The following NOS1 variants were observed in gnomAD, a reference collection of about 807,000 sequenced individuals.
The protein encoded by NOS1 is nitric oxide synthase 1.
In NOS1, 51 loss-of-function variants were observed where a neutral mutation model predicts 164.5. That is an observed-to-expected ratio of 0.31 (90% CI 0.25 to 0.39). NOS1 has a LOEUF of 0.39. NOS1 is among the 10% of genes least tolerant of loss of function. The pLI is 1.00. For synonymous variants in NOS1, 719 were observed against 745.8 expected, an observed-to-expected ratio of 0.96 and a Z score of 0.59; for missense variants, 1,362 against 1,885.6, an observed-to-expected ratio of 0.72 and a Z score of 5.14.
Position 117,288,182 on chromosome 12 carries a change from A to G in NOS1, c.1019T>C (p.Ile340Thr), listed in dbSNP as rs1446279194. The change falls in exon 5 of 29, where the codon ATC becomes ACC. Residue 340 changes from isoleucine to threonine, a missense_variant. Physicochemically the swap from Ile to Thr is moderately conservative, Grantham distance 89. This residue lies in a region of NOS1 where 129 missense variants were observed against 186.0 expected (regional missense o/e 0.69). Coordinates refer to ENST00000317775, the MANE Select transcript of NOS1 (RefSeq NM_000620.5). Reference sequence around the variant, plus strand: ...CCTTGCATGCTGAGAAGGATGCATGATGGAGCCCATGCAGATGTACTCAGT... The same window carrying G: ...CCTTGCATGCTGAGAAGGATGCATGGTGGAGCCCATGCAGATGTACTCAGT... ...GCTEYICMGS[I>T]MHPSQHARRP... is the part of the protein sequence containing the mutation. 6.2e-7 allele frequency: 1 copy of G among 1,613,718 alleles called. No individual in the cohort carries two copies. The highest frequency in any genetic ancestry group is 2.2e-5 in the East Asian group (1 of 44,894).
chr12:117,314,987 C>T (rs1874607168), intron 2 of NOS1, among the ~76,000 whole-genome samples: 1 of 152,206 alleles, frequency 6.6e-6, no homozygotes, highest in Non-Finnish European at 1.5e-5. Context: ...CTGCTAAGTG[C>T]AGCCAATTTA....
chr12:117,332,006 C>T (rs1207505629), intron 1 of NOS1, among the ~76,000 whole-genome samples: 2 of 152,154 alleles, frequency 1.3e-5, no homozygotes, highest in Non-Finnish European at 2.9e-5. Flanking sequence ...GTCAGTTGGC[C>T]TTCATAACCA....
At chr12:117,326,679 A>C (rs1875268527) in intron 2 of NOS1, among the ~76,000 whole-genome samples, 1 of 152,166 alleles carries the variant, frequency 6.6e-6, no homozygotes. Flanking sequence ...GGAAGCTGAG[A>C]GCTTGGATGC....
chr12:117,223,265 CTT>C (rs112723960), intron 25 of NOS1, among the ~76,000 whole-genome samples: 13 of 143,404 alleles, frequency 9.1e-5, no homozygotes, highest in Admixed American at 1.4e-4. Flanking sequence ...ACTTACTCAA[CTT>C]TTTTTTTTTT....
intron 1 of NOS1, among the ~76,000 whole-genome samples, chr12:117,337,920 A>C (rs1221861187): frequency 6.6e-6 from 1 of 152,044 alleles, no homozygotes; most frequent in Non-Finnish European, 1.5e-5. Context: ...TTCTACAAAA[A>C]ACACAAAAAT....
chr12:117,331,415 G>C lies in NOS1; in HGVS notation c.-346C>G. ...ATGGCTGTGTCTAGAAGTGACGCAT[G>C]ATAGATGTGAACTATTCTCTGGGTA... On this transcript the variant is annotated 5_prime_UTR_variant, in exon 2 of 29. The change creates a new upstream start codon in the 5' untranslated region. Transcript: ENST00000317775. 3.6e-6 allele frequency: 1 copy of C among 277,306 alleles called. No homozygotes were observed. The highest frequency in any genetic ancestry group is 6.9e-6 in the Non-Finnish European group (1 of 144,980). 17.2% of individuals were successfully genotyped at this position (277,306 alleles called of 1,614,324 possible).
At position 117,209,355 on chromosome 12, in the gene NOS1, C is replaced by T. The variant is rs1179326268; in HGVS notation, c.*5954G>A. On this transcript the variant is annotated 3_prime_UTR_variant, in exon 29 of 29. Coordinates refer to ENST00000317775, the MANE Select transcript of NOS1 (RefSeq NM_000620.5). ...TTCCTACAGTACCCAAGACGGCCCCCACAAGAAAGAATTACCCAGCCCCAA... is the reference window on the plus strand; with the variant it reads ...TTCCTACAGTACCCAAGACGGCCCCTACAAGAAAGAATTACCCAGCCCCAA... The T allele has an allele frequency of 2.0e-6, 2 of 979,748 alleles. No homozygotes were observed. The highest frequency in any genetic ancestry group is 3.5e-5 in the African/African-American group (2 of 57,126). 60.7% of individuals were successfully genotyped at this position (979,748 alleles called of 1,614,324 possible). A position where few individuals can be genotyped will look rare whatever the true frequency, so the allele number is the denominator to read the frequency against.
At position 117,210,541 on chromosome 12, in the gene NOS1, A is replaced by G. The variant is rs1463887300; in HGVS notation, c.*4768T>C. ...TTTAAAACACAGGCTAGAAGTCCAC[A>G]GATTTCCTAATGGCAAGAATGAAAA... On this transcript the variant is annotated 3_prime_UTR_variant, in exon 29 of 29. Transcript: ENST00000317775. The G allele has an allele frequency of 1.0e-5, 10 of 985,358 alleles. No homozygotes were observed. Among genetic ancestry groups the G allele is most frequent in the Non-Finnish European group, 1.2e-5 (10 of 829,982 alleles). The allele number at this position is 985,358 out of a possible 1,614,324, so 61.0% of individuals were successfully genotyped here.
intron 28 of NOS1, among the ~76,000 whole-genome samples, chr12:117,216,586 C>T (rs1321988591): frequency 1.3e-5 from 2 of 152,066 alleles, no homozygotes; most frequent in African/African-American, 2.4e-5. Flanking sequence ...TCAGGCCATC[C>T]TCTTGCTTCA....
rs756453720 is a variant in NOS1 at position 117,330,774 on chromosome 12, C to G, written c.296G>C (p.Gly99Ala). ...SETHVVLILRGPEGFTTHLET... is the reference protein window; with the variant it reads ...SETHVVLILRAPEGFTTHLET... ...CAGGTGCGTGGTGAAACCTTCAGGG[C>G]CCCTCAGAATGAGGACCACGTGGGT... Residue 99 changes from glycine to alanine, a missense_variant, in exon 2 of 29, where the codon GGC becomes GCC. Physicochemically the swap from Gly to Ala is moderately conservative, Grantham distance 60 (BLOSUM62 0). Coordinates refer to ENST00000317775, the MANE Select transcript of NOS1 (RefSeq NM_000620.5). This position sits in a 1 kb window ranked among gnomAD's most constrained non-coding sequence, Gnocchi z 4.6. 3.1e-6 allele frequency: 5 copies of G among 1,613,952 alleles called. No homozygotes were observed. In the Admixed American group the frequency reaches 6.7e-5, roughly 22 times the overall value.
intron 20 of NOS1, among the ~76,000 whole-genome samples, chr12:117,239,573 C>A (rs1869998047): frequency 6.6e-6 from 1 of 152,202 alleles, no homozygotes; most frequent in Non-Finnish European, 1.5e-5. Flanking sequence ...AGCACTTTGT[C>A]TGCAATTAGT....
intron 20 of NOS1, among the ~76,000 whole-genome samples, chr12:117,237,098 A>G (rs1592938833): frequency 6.6e-6 from 1 of 152,156 alleles, no homozygotes; most frequent in South Asian, 2.1e-4. Flanking sequence ...TCAGAAACCA[A>G]TTGTCTTAAA....
chr12:117,300,539 G>A (rs914682300), intron 3 of NOS1, among the ~76,000 whole-genome samples: 2 of 152,252 alleles, frequency 1.3e-5, no homozygotes, highest in African/African-American at 2.4e-5. Context: ...CTGAGCAGGC[G>A]ATGGCTCAGG....
In NOS1 at chr12:117,212,241, T is replaced by A; in HGVS notation, c.*3068A>T. 3.0e-6 allele frequency: 3 copies of A among 985,372 alleles called. No homozygotes were observed. The highest frequency in any genetic ancestry group is 3.6e-6 in the Non-Finnish European group (3 of 829,924). 61.0% of individuals were successfully genotyped at this position (985,372 alleles called of 1,614,324 possible). On this transcript the variant is annotated 3_prime_UTR_variant, in exon 29 of 29. Transcript: ENST00000317775. ...GTAACTGGGCATTTCGTGGGCATTG[T>A]CTCATTCAATCCACCTTGTTATACA...
chr12:117,279,876 A>G (rs1873492465), intron 8 of NOS1, among the ~76,000 whole-genome samples: 1 of 152,218 alleles, frequency 6.6e-6, no homozygotes, highest in Admixed American at 6.5e-5. Context: ...GCCACATGCA[A>G]ATGAAGTCGG....
At chr12:117,333,607 C>T (rs1161715355) in intron 1 of NOS1, among the ~76,000 whole-genome samples, 9 of 152,158 alleles carry the variant, frequency 5.9e-5, no homozygotes, top group African/African-American at 1.7e-4. Context: ...CTGTCAGCCC[C>T]TCTGTGTGGG....
intron 3 of NOS1, among the ~76,000 whole-genome samples, chr12:117,302,838 C>G (rs552062585): frequency 1.7e-4 from 25 of 151,136 alleles, no homozygotes; most frequent in Admixed American, 1.0e-3. Context: ...CTCCGCCTCC[C>G]AGGTTCAAGC....
At chr12:117,219,781 G>A (rs1007289137) in intron 27 of NOS1, among the ~76,000 whole-genome samples, 1 of 152,200 alleles carries the variant, frequency 6.6e-6, no homozygotes, top group African/African-American at 2.4e-5. Flanking sequence ...TCTGGGGCAG[G>A]AGAAGTTAGG....
intron 28 of NOS1, among the ~76,000 whole-genome samples, chr12:117,216,920 TG>T (rs1333990055): frequency 6.6e-6 from 1 of 152,124 alleles, no homozygotes; most frequent in Non-Finnish European, 1.5e-5. Context: ...AATGAGTGTA[TG>T]CCTTGTGTTG....
Sources: gnomAD v4.1 joint callset for allele counts (sites outside exome capture counted in the v4.1 genomes callset) on GRCh38, gnomAD v4.1.1 for gene constraint, gnomAD v4.1.1 regional missense constraint, Gnocchi (gnomAD v3.1) non-coding constraint, MANE v1.5 for transcripts, NCBI Gene and HGNC (gene_info 2026-07-23, HGNC 2026-07-21) for gene names.